The following MTCL3 variants were observed in gnomAD, a reference collection of about 807,000 sequenced individuals.
MTCL3 encodes microtubule cross-linking factor 3.
chr6:127,493,796 G>A, the MTCL3 span, among the ~76,000 whole-genome samples: 2 of 152,204 alleles, frequency 1.3e-5, no homozygotes, highest in Non-Finnish European at 2.9e-5. Flanking sequence ...AAATAGCTGT[G>A]ATCATGGTAT....
the MTCL3 span, chr6:127,473,364 G>T: frequency 6.5e-7 from 1 of 1,539,578 alleles, no homozygotes; most frequent in Non-Finnish European, 8.7e-7. Context: ...ACAAGAATGA[G>T]AATAAGTAAA....
chr6:127,492,590 G>A, the MTCL3 span, among the ~76,000 whole-genome samples: 4 of 152,028 alleles, frequency 2.6e-5, no homozygotes, highest in East Asian at 1.9e-4. Context: ...GCCCGATCTC[G>A]GCTCACTGCA....
the MTCL3 span, among the ~76,000 whole-genome samples, chr6:127,511,518 A>G: frequency 6.6e-6 from 1 of 152,178 alleles, no homozygotes; most frequent in African/African-American, 2.4e-5. Context: ...ATACCAGAAA[A>G]AGATGTTGAG....
chr6:127,493,284 G>A, the MTCL3 span, among the ~76,000 whole-genome samples: 2 of 152,048 alleles, frequency 1.3e-5, no homozygotes, highest in African/African-American at 2.4e-5. Flanking sequence ...TTAAGGATTC[G>A]ATTTTCCAAA....
chr6:127,475,212 G>T, the MTCL3 span: 1 of 1,446,078 alleles, frequency 6.9e-7, no homozygotes, highest in Non-Finnish European at 9.3e-7. This position sits in a 1 kb window ranked among gnomAD's most constrained non-coding sequence, Gnocchi z 7.3. Context: ...GCGGCAGTCC[G>T]GGCGCCGAGA....
At chr6:127,503,720 G>C in the MTCL3 span, among the ~76,000 whole-genome samples, 1 of 152,180 alleles carries the variant, frequency 6.6e-6, no homozygotes, top group Non-Finnish European at 1.5e-5. Context: ...ATGCAAAGTA[G>C]AGTGCTAGAA....
the MTCL3 span, among the ~76,000 whole-genome samples, chr6:127,514,209 TA>T: frequency 6.6e-6 from 1 of 152,012 alleles, no homozygotes; most frequent in Non-Finnish European, 1.5e-5. Context: ...AATTGCACTT[TA>T]AAAAAATGAG....
the MTCL3 span, among the ~76,000 whole-genome samples, chr6:127,497,677 T>C: frequency 6.6e-6 from 1 of 151,838 alleles, no homozygotes; most frequent in Non-Finnish European, 1.5e-5. Flanking sequence ...GGGCAACTAA[T>C]AGCAAATGGA....
At chr6:127,515,476 C>A in the MTCL3 span, 5 of 1,403,336 alleles carry the variant, frequency 3.6e-6, no homozygotes, top group South Asian at 1.7e-5. This position sits in a 1 kb window ranked among gnomAD's most constrained non-coding sequence, Gnocchi z 4.3. Context: ...CAGGCCCACT[C>A]TTCCCATCCC....
At chr6:127,488,929 T>C in the MTCL3 span, among the ~76,000 whole-genome samples, 1 of 152,198 alleles carries the variant, frequency 6.6e-6, no homozygotes, top group Non-Finnish European at 1.5e-5. Flanking sequence ...TTATGTATCA[T>C]AAGTAATCTA....
chr6:127,479,642 G>A, the MTCL3 span, among the ~76,000 whole-genome samples: 13 of 152,192 alleles, frequency 8.5e-5, no homozygotes, highest in East Asian at 2.5e-3. Context: ...CCTGCCCAAA[G>A]GAATGAAAAC....
the MTCL3 span, among the ~76,000 whole-genome samples, chr6:127,508,734 AT>A: frequency 1.3e-5 from 2 of 152,180 alleles, no homozygotes; most frequent in Non-Finnish European, 2.9e-5. Flanking sequence ...CTTTGCTCAA[AT>A]GTCTCTTATC....
the MTCL3 span, among the ~76,000 whole-genome samples, chr6:127,497,578 C>G: frequency 6.6e-6 from 1 of 152,180 alleles, no homozygotes; most frequent in Non-Finnish European, 1.5e-5. Context: ...CTACTTCAAA[C>G]AGGCCAGAAC....
the MTCL3 span, chr6:127,476,127 C>A: frequency 1.9e-6 from 3 of 1,614,144 alleles, no homozygotes; most frequent in East Asian, 2.2e-5. The surrounding 1 kb of genome is among the most constrained non-coding windows in gnomAD (Gnocchi z 4.4). Flanking sequence ...CCCTCATGAG[C>A]GGGTTGGCCG....
the MTCL3 span, chr6:127,475,479 G>A: frequency 6.2e-7 from 1 of 1,613,498 alleles, no homozygotes; most frequent in Non-Finnish European, 8.5e-7. This position sits in a 1 kb window ranked among gnomAD's most constrained non-coding sequence, Gnocchi z 7.3. Context: ...ACAGGTCCCC[G>A]TTGGCCACGT....
the MTCL3 span, among the ~76,000 whole-genome samples, chr6:127,504,604 C>T: frequency 0.011 from 1,698 of 152,178 alleles, 18 homozygotes; most frequent in Middle Eastern, 0.031. Flanking sequence ...AAAGCCTGAA[C>T]GCACCACATG....
the MTCL3 span, among the ~76,000 whole-genome samples, chr6:127,509,978 TTA>T: frequency 6.6e-6 from 1 of 152,198 alleles, no homozygotes; most frequent in Non-Finnish European, 1.5e-5. Context: ...AAATGGATAA[TTA>T]TAGAGAACTC....
the MTCL3 span, chr6:127,515,116 A>C: frequency 7.4e-7 from 1 of 1,346,904 alleles, no homozygotes; most frequent in Non-Finnish European, 1.1e-6. The surrounding 1 kb of genome is among the most constrained non-coding windows in gnomAD (Gnocchi z 4.3). Context: ...CACCGTACAC[A>C]CCCCATTCCA....
At chr6:127,507,864 A>G in the MTCL3 span, among the ~76,000 whole-genome samples, 2 of 150,132 alleles carry the variant, frequency 1.3e-5, no homozygotes, top group South Asian at 2.1e-4. Context: ...AAAAAAAAAA[A>G]AAAAAAGAAA....
Sources: gnomAD v4.1 joint callset for allele counts (sites outside exome capture counted in the v4.1 genomes callset) on GRCh38, gnomAD v4.1.1 for gene constraint, Gnocchi (gnomAD v3.1) non-coding constraint, MANE v1.5 for transcripts, NCBI Gene and HGNC (gene_info 2026-07-23, HGNC 2026-07-21) for gene names.